Variants in SLC49A4 observed in about 807,000 individuals in gnomAD.
SLC49A4 encodes disrupted in renal cancer protein 2.
In SLC49A4, 36 loss-of-function variants were observed where a neutral mutation model predicts 50.6. The observed-to-expected ratio is 0.71, with a 90% CI of 0.55 to 0.94. SLC49A4 has a LOEUF of 0.94. Among genes scored for constraint, SLC49A4 ranks in the 40% least tolerant of loss-of-function variants. The pLI, the probability that SLC49A4 is intolerant of heterozygous loss-of-function variation, is 0.00. For synonymous variants in SLC49A4, 248 were observed against 241.2 expected (o/e 1.03, Z -0.26); for missense variants, 503 against 605.7 (o/e 0.83, Z 1.78).
At chr3:122,837,696 C>A (rs1248527425) in intron 4 of SLC49A4, among the ~76,000 whole-genome samples, 1 of 152,000 alleles carries the variant, frequency 6.6e-6, no homozygotes, top group Non-Finnish European at 1.5e-5. Flanking sequence ...GCAACAAAAG[C>A]CAAAATTGAC....
At chr3:122,812,129 A>G (rs893453811) in intron 2 of SLC49A4, among the ~76,000 whole-genome samples, 18 of 151,938 alleles carry the variant, frequency 1.2e-4, no homozygotes, top group African/African-American at 4.4e-4. Flanking sequence ...CTAGTTTTTA[A>G]ATTTTTTGTA....
intron 1 of SLC49A4, among the ~76,000 whole-genome samples, chr3:122,802,955 T>C (rs1230014224): frequency 1.3e-5 from 2 of 152,038 alleles, no homozygotes; most frequent in Non-Finnish European, 2.9e-5. Flanking sequence ...ATGCATGTAA[T>C]TGGAGTCTCA....
intron 7 of SLC49A4, among the ~76,000 whole-genome samples, chr3:122,870,992 TA>T (rs199903624): frequency 0.012 from 1,864 of 152,218 alleles, 41 homozygotes; most frequent in African/African-American, 0.042. Context: ...CTAGCAAATA[TA>T]TTGTGAACAT....
At chr3:122,868,783 C>G (rs1032826313) in intron 7 of SLC49A4, among the ~76,000 whole-genome samples, 11 of 152,322 alleles carry the variant, frequency 7.2e-5, no homozygotes, top group Admixed American at 5.2e-4. Flanking sequence ...ATAGAAACCT[C>G]TTGGTCATCA....
chr3:122,858,303 A>T (rs574828705), intron 6 of SLC49A4, among the ~76,000 whole-genome samples: 19 of 152,296 alleles, frequency 1.2e-4, no homozygotes, highest in African/African-American at 4.6e-4. Flanking sequence ...TTCAACTCTG[A>T]TTTGTACTAA....
Position 122,795,370 on chromosome 3 carries a change from C to G in SLC49A4, c.178C>G (p.Leu60Val). 6.3e-7 allele frequency: 1 copy of G among 1,598,038 alleles called. No homozygotes were observed. The highest frequency in any genetic ancestry group is 2.3e-5 in the East Asian group (1 of 43,826). Residue 60 changes from leucine to valine, a missense_variant, in exon 1 of 9, where the codon CTG (leucine) becomes GTG (valine). Transcript: ENST00000261038. ...RRWLVLLLFS[L>V]LAFVQGLVWN... ...CTGGCTGGTGCTGCTGCTCTTCTCG[C>G]TGCTGGCGTTCGTTCAGGGCCTGGT...
At chr3:122,825,896 A>G (rs773098142) in intron 2 of SLC49A4, among the ~76,000 whole-genome samples, 5 of 152,174 alleles carry the variant, frequency 3.3e-5, no homozygotes, top group Admixed American at 6.5e-5. Flanking sequence ...GAGTTGGTCA[A>G]CAAGGAACAG....
At chr3:122,843,217 AT>A (rs752515434) in intron 4 of SLC49A4, among the ~76,000 whole-genome samples, 3 of 151,076 alleles carry the variant, frequency 2.0e-5, no homozygotes, top group East Asian at 1.9e-4. Flanking sequence ...TACATGGTTT[AT>A]TTTTTTTTAA....
At chr3:122,811,745 T>G (rs947635234) in intron 2 of SLC49A4, among the ~76,000 whole-genome samples, 9 of 152,198 alleles carry the variant, frequency 5.9e-5, no homozygotes, top group African/African-American at 2.2e-4. Context: ...AAAAGTCCTA[T>G]AAGTGCTAAT....
At chr3:122,821,865 C>A (rs1347493069) in intron 2 of SLC49A4, among the ~76,000 whole-genome samples, 1 of 152,098 alleles carries the variant, frequency 6.6e-6, no homozygotes, top group Non-Finnish European at 1.5e-5. Context: ...GAATATTAGT[C>A]ATCTTGTTTT....
intron 5 of SLC49A4, among the ~76,000 whole-genome samples, chr3:122,853,200 A>G (rs937370638): frequency 3.3e-5 from 5 of 152,144 alleles, no homozygotes; most frequent in Admixed American, 3.3e-4. Flanking sequence ...TCATGTGGCA[A>G]AGGGGCAAGG....
chr3:122,860,031 A>G, intron 6 of SLC49A4, 44 bp from the exon 7 acceptor site: 1 of 1,515,280 alleles, frequency 6.6e-7, no homozygotes, highest in Non-Finnish European at 8.9e-7. Flanking sequence ...CTTAAATAGT[A>G]TTTTTAAATC....
At chr3:122,843,347 C>T (rs1460073561) in intron 4 of SLC49A4, among the ~76,000 whole-genome samples, 1 of 152,140 alleles carries the variant, frequency 6.6e-6, no homozygotes, top group African/African-American at 2.4e-5. Flanking sequence ...GTACCACCCA[C>T]TTCCCACTTC....
chr3:122,875,503 A>T (rs1210081538), intron 8 of SLC49A4, among the ~76,000 whole-genome samples: 1 of 152,072 alleles, frequency 6.6e-6, no homozygotes, highest in African/African-American at 2.4e-5. Flanking sequence ...AGCATGTGCC[A>T]CCAAACCTGG....
chr3:122,849,530 G>A (rs1483150499), intron 5 of SLC49A4, among the ~76,000 whole-genome samples: 1 of 152,136 alleles, frequency 6.6e-6, no homozygotes, highest in Non-Finnish European at 1.5e-5. Context: ...TAACTGGGGT[G>A]AGATGCTATT....
chr3:122,828,139 A>C (rs1936560778), intron 3 of SLC49A4, among the ~76,000 whole-genome samples: 1 of 152,236 alleles, frequency 6.6e-6, no homozygotes, highest in Non-Finnish European at 1.5e-5. Context: ...GTTCACTTAT[A>C]AATTTCACAA....
At chr3:122,875,208 A>G (rs1170818109) in intron 8 of SLC49A4, among the ~76,000 whole-genome samples, 1 of 152,176 alleles carries the variant, frequency 6.6e-6, no homozygotes, top group Non-Finnish European at 1.5e-5. Context: ...AGTACCCTAA[A>G]CATTTTATAT....
chr3:122,801,467 C>T (rs1318247136), intron 1 of SLC49A4, among the ~76,000 whole-genome samples: 1 of 152,130 alleles, frequency 6.6e-6, no homozygotes, highest in East Asian at 1.9e-4. Flanking sequence ...TGGTGGGCAC[C>T]TGTAATCCCA....
intron 1 of SLC49A4, among the ~76,000 whole-genome samples, chr3:122,804,951 T>TATG (rs1936193431): frequency 6.6e-6 from 1 of 152,182 alleles, no homozygotes; most frequent in Non-Finnish European, 1.5e-5. Context: ...CCATAAACAG[T>TATG]GCCTCACTGC....
Sources: gnomAD v4.1 joint callset for allele counts (sites outside exome capture counted in the v4.1 genomes callset) on GRCh38, gnomAD v4.1.1 for gene constraint, MANE v1.5 for transcripts, NCBI Gene and HGNC (gene_info 2026-07-23, HGNC 2026-07-21) for gene names.